DNAH7: variants seen among roughly 807,000 people sequenced by gnomAD.
DNAH7 encodes the protein dynein axonemal heavy chain 7.
DNAH7 carries 397 observed loss-of-function variants against 444.6 expected under a neutral mutation model. That is an observed-to-expected ratio of 0.89 (90% CI 0.82 to 0.97). The LOEUF is 0.97. Ranked by LOEUF, DNAH7 falls within the 50% of genes least tolerant of loss-of-function variation. The pLI is 0.00. For missense variants in DNAH7, 4,902 were observed against 4,800.8 expected (o/e 1.02, Z -0.62); for synonymous variants, 1,636 against 1,624.4 (o/e 1.01, Z -0.17).
chr2:195,770,919 T>G (rs1694805822), intron 61 of DNAH7, among the ~76,000 whole-genome samples: 1 of 151,300 alleles, frequency 6.6e-6, no homozygotes, highest in African/African-American at 2.4e-5. Flanking sequence ...GCCAAGGAAG[T>G]TCTCAAACTC....
intron 22 of DNAH7, among the ~76,000 whole-genome samples, chr2:195,924,909 G>C (rs1040076706): frequency 4.6e-5 from 7 of 152,236 alleles, no homozygotes; most frequent in Admixed American, 3.9e-4. Flanking sequence ...GTGCTTAAGA[G>C]ACATATCAAT....
At position 195,852,891 on chromosome 2, in the gene DNAH7, TACAC is replaced by T. The variant is rs4014237; in HGVS notation, c.8781+448_8781+451del. The stretch of plus-strand genomic sequence containing the variant: ...GACTGATAGGAAACAGCTGATGAAG[TACAC>T]ACACACACACACACACACACAGAGA... On this transcript the variant is annotated intron_variant, in intron 46 of 64. Transcript: ENST00000312428. Among the ~76,000 whole-genome samples the T allele has an allele frequency of 1.2e-3, 164 of 139,012 alleles. 1 individual carries two copies. The highest frequency in any genetic ancestry group is 2.1e-3 in the South Asian group (9 of 4,204). The allele number at this position is 139,012 out of a possible 152,430, so 91.2% of individuals were successfully genotyped here. A position where few individuals can be genotyped will look rare whatever the true frequency, so the allele number is the denominator to read the frequency against.
intron 16 of DNAH7, among the ~76,000 whole-genome samples, chr2:195,970,390 G>C (rs1247073071): frequency 6.6e-6 from 1 of 152,100 alleles, no homozygotes; most frequent in African/African-American, 2.4e-5. Context: ...TCTTTAATAT[G>C]CTGAAGAATT....
chr2:196,005,869 T>C (rs193240252), intron 10 of DNAH7, among the ~76,000 whole-genome samples: 1 of 152,160 alleles, frequency 6.6e-6, no homozygotes, highest in Non-Finnish European at 1.5e-5. Context: ...AATGTTTTCC[T>C]ACTCATTCTG....
intron 58 of DNAH7, among the ~76,000 whole-genome samples, chr2:195,778,673 C>CATATAT (rs1559089831): frequency 7.6e-4 from 53 of 69,706 alleles, no homozygotes; most frequent in African/African-American, 4.5e-3. Flanking sequence ...TATATATACA[C>CATATAT]ACACACACAT....
At chr2:195,810,205 T>G (rs559533782) in intron 51 of DNAH7, among the ~76,000 whole-genome samples, 36 of 152,268 alleles carry the variant, frequency 2.4e-4, no homozygotes, top group African/African-American at 8.4e-4. Flanking sequence ...AAATTTGACC[T>G]CTTTATAACA....
intron 13 of DNAH7, 36 bp downstream of exon 13, chr2:195,987,921 T>G (rs1693032058): frequency 6.5e-7 from 1 of 1,539,544 alleles, no homozygotes; most frequent in Admixed American, 2.0e-5. Context: ...AGATACCAGA[T>G]AGAGATAACA....
rs745670651 is a variant in DNAH7, at chr2:195,972,334, C to T, written c.1966G>A (p.Val656Ile). 1 of 1,614,030 alleles carries T rather than the reference C, an allele frequency of 6.2e-7. No individual in the cohort carries two copies. The highest frequency in any genetic ancestry group is 8.5e-7 in the Non-Finnish European group (1 of 1,179,996). Residue 656 changes from valine (V) to isoleucine (I), a missense_variant, in exon 16 of 65, where the codon GTT (valine) becomes ATT (isoleucine). Transcript: ENST00000312428. ...SPADMRLNNSVFQWYGRMGEI... is the reference protein window; with the variant it reads ...SPADMRLNNSIFQWYGRMGEI... ...CCCATCCTTCCATACCACTGGAAAA[C>T]ACTATTATTTAGCCTCATGTCTGCT...
At chr2:195,831,159 T>C (rs568483398) in intron 48 of DNAH7, among the ~76,000 whole-genome samples, 8 of 152,340 alleles carry the variant, frequency 5.3e-5, no homozygotes, top group African/African-American at 1.9e-4. Flanking sequence ...CTCTACAAAT[T>C]GATTTATCAG....
chr2:195,930,086 T>C (rs1688590015), intron 21 of DNAH7, among the ~76,000 whole-genome samples: 1 of 151,526 alleles, frequency 6.6e-6, no homozygotes, highest in African/African-American at 2.4e-5. Flanking sequence ...GGCTCACGCC[T>C]GTAATCCCAG....
chr2:195,756,551 T>C (rs951540470), intron 61 of DNAH7, among the ~76,000 whole-genome samples: 8 of 152,120 alleles, frequency 5.3e-5, no homozygotes, highest in African/African-American at 1.7e-4. Flanking sequence ...TCCTTCTCTA[T>C]TGCCCAGGCT....
intron 21 of DNAH7, among the ~76,000 whole-genome samples, chr2:195,928,892 G>A (rs1688511339): frequency 6.6e-6 from 1 of 151,980 alleles, no homozygotes; most frequent in Admixed American, 6.6e-5. Context: ...GCAAGAGAAA[G>A]AAATAAAAGG....
At chr2:195,874,057 T>C (rs867906260) in intron 38 of DNAH7, among the ~76,000 whole-genome samples, 5 of 151,894 alleles carry the variant, frequency 3.3e-5, no homozygotes, top group Non-Finnish European at 2.9e-5. Flanking sequence ...TGTAATATTA[T>C]ACAATATTAA....
At chr2:196,048,441 A>G in intron 3 of DNAH7, 37 bp from the exon 4 acceptor site, 1 of 1,578,700 alleles carries the variant, frequency 6.3e-7, no homozygotes. Context: ...AACAAACAAT[A>G]TCAGAAAAAA....
At chr2:196,068,306 A>G (rs1337860704) in intron 1 of DNAH7, 1 of 282,278 alleles carries the variant, frequency 3.5e-6, no homozygotes, top group Non-Finnish European at 6.6e-6. Flanking sequence ...AAAGACTAAG[A>G]GATTTGTCCA....
chr2:196,020,878 C>T (rs1201208479), intron 8 of DNAH7, among the ~76,000 whole-genome samples: 8 of 152,086 alleles, frequency 5.3e-5, no homozygotes, highest in Admixed American at 3.9e-4. Flanking sequence ...TCCCAAAGTG[C>T]TGGAATTACG....
chr2:195,891,640 A>G lies in DNAH7; in HGVS notation c.5046+15T>C, dbSNP rs781131394. 2.6e-6 allele frequency: 4 copies of G among 1,530,054 alleles called. No homozygotes were observed. The highest frequency in any genetic ancestry group is 3.5e-6 in the Non-Finnish European group (4 of 1,143,190). The allele number at this position is 1,530,054 out of a possible 1,614,324, so 94.8% of individuals were successfully genotyped here. ...TAACCTTTTAAGATATGCATGTGAA[A>G]GTGTTAGAACTTACCACTGAAGAGG... On this transcript the variant is annotated intron_variant, in intron 31 of 64. Transcript: ENST00000312428.
Position 195,873,690 on chromosome 2 carries a change from A to G in DNAH7, c.6291T>C (p.Gly2097=), listed in dbSNP as rs779329864. ...ATCGAGGAGTTACTGGATTTCGACC[A>G]CCACCTAAATATTAAAAAGTATAAC... ...QIMCAMGPPG[G]GRNPVTPRYM... The change falls in exon 39 of 65, where the codon GGT becomes GGC. Residue 2097 remains glycine, a synonymous_variant. Coordinates refer to ENST00000312428, the MANE Select transcript of DNAH7 (RefSeq NM_018897.3). The G allele has an allele frequency of 1.2e-5, 18 of 1,528,258 alleles. 1 individual carries two copies. Among genetic ancestry groups the G allele is most frequent in the Non-Finnish European group, 1.3e-5 (15 of 1,146,436 alleles). The allele number at this position is 1,528,258 out of a possible 1,614,324, so 94.7% of individuals were successfully genotyped here. A position where few individuals can be genotyped will look rare whatever the true frequency, so the allele number is the denominator to read the frequency against.
chr2:195,878,944 T>A (rs1223823682), intron 36 of DNAH7, among the ~76,000 whole-genome samples: 7 of 152,178 alleles, frequency 4.6e-5, no homozygotes, highest in African/African-American at 1.7e-4. Flanking sequence ...ATAATATTGA[T>A]AATTTAAAAA....
Sources: gnomAD v4.1 joint callset for allele counts (sites outside exome capture counted in the v4.1 genomes callset) on GRCh38, gnomAD v4.1.1 for gene constraint, MANE v1.5 for transcripts, NCBI Gene and HGNC (gene_info 2026-07-23, HGNC 2026-07-21) for gene names.